GALNT13: variants seen among roughly 807,000 people sequenced by gnomAD.
GALNT13 encodes polypeptide N-acetylgalactosaminyltransferase 13.
GALNT13 carries 28 observed loss-of-function variants against 64.2 expected under a neutral mutation model. That is an observed-to-expected ratio of 0.44 (90% CI 0.32 to 0.60). The LOEUF (loss-of-function observed/expected upper bound fraction) is 0.60. GALNT13 is among the 20% of genes least tolerant of loss of function. The pLI is 0.05. For synonymous variants in GALNT13, 214 were observed against 224.6 expected (o/e 0.95, Z 0.42); for missense variants, 577 against 669.8 (o/e 0.86, Z 1.53).
intron 1 of GALNT13, among the ~76,000 whole-genome samples, chr2:153,881,064 TC>T (rs1376506904): frequency 6.6e-6 from 1 of 152,158 alleles, no homozygotes; most frequent in Non-Finnish European, 1.5e-5. Context: ...TGCATCTAGG[TC>T]ATTTAACAGG....
intron 1 of GALNT13, among the ~76,000 whole-genome samples, chr2:153,899,538 T>C (rs931791681): frequency 1.3e-5 from 2 of 152,176 alleles, no homozygotes; most frequent in Non-Finnish European, 1.5e-5. Context: ...TTTCTCTGTT[T>C]GAGAGGTTCT....
At chr2:154,262,087 T>C (rs886976010) in intron 8 of GALNT13, among the ~76,000 whole-genome samples, 4 of 152,180 alleles carry the variant, frequency 2.6e-5, no homozygotes, top group East Asian at 1.9e-4. Flanking sequence ...TCCAACCTTT[T>C]AAAGACAACA....
At chr2:153,616,630 T>C in the GALNT13 span, among the ~76,000 whole-genome samples, 9 of 152,086 alleles carry the variant, frequency 5.9e-5, no homozygotes, top group East Asian at 1.7e-3. Flanking sequence ...GTTTTTATTG[T>C]AGAGATCTTT....
At chr2:153,690,523 G>A in the GALNT13 span, among the ~76,000 whole-genome samples, 6 of 152,192 alleles carry the variant, frequency 3.9e-5, no homozygotes, top group South Asian at 2.1e-4. Flanking sequence ...ATGACCAGGA[G>A]GTACCCCAAA....
chr2:153,597,596 C>T, the GALNT13 span, among the ~76,000 whole-genome samples: 1 of 151,824 alleles, frequency 6.6e-6, no homozygotes, highest in African/African-American at 2.4e-5. Context: ...AGATATGATA[C>T]CAAAAGCACA....
intron 12 of GALNT13, among the ~76,000 whole-genome samples, chr2:154,441,065 C>T (rs1360607428): frequency 6.6e-6 from 1 of 152,114 alleles, no homozygotes; most frequent in Non-Finnish European, 1.5e-5. Context: ...ATGCTAAACA[C>T]ACTGAATCCA....
At chr2:153,594,856 T>A in the GALNT13 span, among the ~76,000 whole-genome samples, 1 of 152,054 alleles carries the variant, frequency 6.6e-6, no homozygotes, top group Non-Finnish European at 1.5e-5. Context: ...AAATACATTC[T>A]CAAGCATTAA....
the GALNT13 span, among the ~76,000 whole-genome samples, chr2:153,569,637 G>A: frequency 1.1e-4 from 17 of 152,006 alleles, no homozygotes; most frequent in South Asian, 1.9e-3. Context: ...ATCACATCAC[G>A]GAAAATAGGA....
At chr2:153,569,081 T>C in the GALNT13 span, among the ~76,000 whole-genome samples, 4 of 152,178 alleles carry the variant, frequency 2.6e-5, no homozygotes, top group Admixed American at 6.5e-5. Context: ...TTTTAGTACA[T>C]GTCTTTTAGA....
At chr2:154,344,838 A>T (rs142301522) in intron 9 of GALNT13, among the ~76,000 whole-genome samples, 1 of 152,090 alleles carries the variant, frequency 6.6e-6, no homozygotes, top group East Asian at 1.9e-4. Context: ...AGATGGAGGG[A>T]GAGAGAAGGA....
At chr2:154,405,914 A>C (rs707054) in intron 10 of GALNT13, among the ~76,000 whole-genome samples, 41 of 152,094 alleles carry the variant, frequency 2.7e-4, no homozygotes, top group South Asian at 8.3e-4. Context: ...AAGAATTAAG[A>C]GGGGGAAAAT....
At chr2:153,834,864 C>T in the GALNT13 span, among the ~76,000 whole-genome samples, 1 of 152,068 alleles carries the variant, frequency 6.6e-6, no homozygotes, top group African/African-American at 2.4e-5. Flanking sequence ...GTACCTAGAA[C>T]ATAGTCCATG....
the GALNT13 span, among the ~76,000 whole-genome samples, chr2:153,720,331 C>A: frequency 6.8e-6 from 1 of 147,916 alleles, no homozygotes. Context: ...CATCAAAGAC[C>A]AAAAGTAGAT....
the GALNT13 span, among the ~76,000 whole-genome samples, chr2:153,348,152 A>G: frequency 1.8e-4 from 27 of 152,184 alleles, no homozygotes; most frequent in African/African-American, 4.6e-4. Flanking sequence ...TTTAATAACA[A>G]ATTTCCCTAT....
chr2:153,461,800 AGAAC>A, the GALNT13 span, among the ~76,000 whole-genome samples: 1 of 152,120 alleles, frequency 6.6e-6, no homozygotes, highest in South Asian at 2.1e-4. Context: ...TGGAAAGATA[AGAAC>A]GAGAATAAGA....
chr2:154,437,473 C>T, intron 11 of GALNT13: 1 of 1,132,276 alleles, frequency 8.8e-7, no homozygotes, highest in Non-Finnish European at 1.1e-6. Context: ...ATTCTGTTGA[C>T]ATTGCAAGGA....
At chr2:153,218,479 C>T in the GALNT13 span, among the ~76,000 whole-genome samples, 1 of 152,246 alleles carries the variant, frequency 6.6e-6, no homozygotes, top group South Asian at 2.1e-4. Flanking sequence ...CTAAGAGCCA[C>T]AGTATTTGTC....
intron 3 of GALNT13, among the ~76,000 whole-genome samples, chr2:154,118,679 G>A (rs1316107610): frequency 6.6e-6 from 1 of 151,612 alleles, no homozygotes; most frequent in South Asian, 2.1e-4. Flanking sequence ...TTGAATGCAG[G>A]CATTCATGCT....
chr2:154,154,930 A>ATGTT (rs1178933889), intron 4 of GALNT13, among the ~76,000 whole-genome samples: 1 of 82,476 alleles, frequency 1.2e-5, no homozygotes, highest in African/African-American at 5.1e-5. Context: ...CTGATTGTTT[A>ATGTT]TGTTTGTGTG....
Sources: allele counts gnomAD v4.1 joint callset (sites outside exome capture counted in the v4.1 genomes callset), GRCh38; gene constraint gnomAD v4.1.1; transcripts MANE v1.5; gene names NCBI Gene and HGNC (gene_info 2026-07-23, HGNC 2026-07-21).